GTF2F2: variants seen among roughly 807,000 people sequenced by gnomAD.
The protein encoded by GTF2F2 is general transcription factor IIF subunit 2, also known as ATP-dependent helicase GTF2F2.
In GTF2F2, 23 loss-of-function variants were observed where a neutral mutation model predicts 42.2. The ratio of observed to expected loss-of-function variants is 0.55; its 90% CI spans 0.39 to 0.77. GTF2F2 has a LOEUF of 0.77. Among genes scored for constraint, GTF2F2 ranks in the 30% least tolerant of loss-of-function variants. The probability of loss-of-function intolerance (pLI) is 0.00; values close to 1 mark genes in which losing one functional copy is unlikely to be tolerated. For missense variants in GTF2F2, 261 were observed against 287.2 expected (o/e 0.91, Z 0.66); for synonymous variants, 105 against 100.8 (o/e 1.04, Z -0.25).
chr13:45,266,188 C>T (rs1317360243), intron 6 of GTF2F2, among the ~76,000 whole-genome samples: 2 of 152,032 alleles, frequency 1.3e-5, no homozygotes, highest in Non-Finnish European at 2.9e-5. Flanking sequence ...CCTGAAGTGT[C>T]ATTTTTATTT....
intron 1 of GTF2F2, among the ~76,000 whole-genome samples, chr13:45,126,354 C>T (rs184094653): frequency 4.5e-4 from 67 of 149,536 alleles, no homozygotes; most frequent in African/African-American, 1.5e-3. Context: ...CGGCTTCAAG[C>T]GATTCTCCTG....
intron 5 of GTF2F2, among the ~76,000 whole-genome samples, chr13:45,211,773 G>C (rs554157848): frequency 2.6e-5 from 4 of 151,350 alleles, no homozygotes; most frequent in African/African-American, 9.7e-5. Context: ...TTTTAGGAGA[G>C]ACGGGTTTCT....
chr13:45,260,717 G>A (rs1876303784), intron 6 of GTF2F2, among the ~76,000 whole-genome samples: 2 of 152,164 alleles, frequency 1.3e-5, no homozygotes, highest in Admixed American at 1.3e-4. Context: ...TCAACATTTG[G>A]TTGCATTTTA....
chr13:45,228,240 C>T (rs1408034636), intron 5 of GTF2F2, among the ~76,000 whole-genome samples: 2 of 143,852 alleles, frequency 1.4e-5, no homozygotes, highest in East Asian at 4.0e-4. Flanking sequence ...ACACCAGTCT[C>T]TGCTTATCCT....
chr13:45,149,914 C>G lies in GTF2F2; in HGVS notation c.159+126C>G. The G allele has an allele frequency of 3.5e-6, 3 of 862,966 alleles. No individual in the cohort carries two copies. The East Asian group carries it at 1.0e-4, about 29-fold the overall frequency. 53.5% of individuals were successfully genotyped at this position (862,966 alleles called of 1,614,324 possible). A position where few individuals can be genotyped will look rare whatever the true frequency, so the allele number is the denominator to read the frequency against. ...AGTGCATGGCTGATGGTTAAGAACA[C>G]ATAAAGGTATAAATGCCACCCTTGT... On this transcript the variant is annotated intron_variant, in intron 3 of 7. Coordinates refer to ENST00000340473, the MANE Select transcript of GTF2F2 (RefSeq NM_004128.3).
rs368124187 is a variant in GTF2F2 at position 45,194,057 on chromosome 13, G to A, written c.305-13367G>A. On this transcript the variant is annotated intron_variant, in intron 4 of 7. Coordinates refer to ENST00000340473, the MANE Select transcript of GTF2F2 (RefSeq NM_004128.3). The stretch of plus-strand genomic sequence containing the variant: ...CTGCTTTTGGACACCAGAACAATGC[G>A]AGACTTTATTTTTGATATGAAATCA... The A allele has an allele frequency of 6.9e-5, 111 of 1,613,990 alleles. No individual in the cohort carries two copies. The highest frequency in any genetic ancestry group is 9.1e-5 in the Non-Finnish European group (107 of 1,180,004).
chr13:45,186,624 A>G (rs1220819027), intron 4 of GTF2F2, among the ~76,000 whole-genome samples: 1 of 152,128 alleles, frequency 6.6e-6, no homozygotes, highest in Non-Finnish European at 1.5e-5. Flanking sequence ...AGTGTTTTAA[A>G]AATAAATAAA....
intron 1 of GTF2F2, among the ~76,000 whole-genome samples, chr13:45,127,777 C>T (rs1462438216): frequency 4.0e-5 from 6 of 151,416 alleles, no homozygotes; most frequent in African/African-American, 1.5e-4. Flanking sequence ...GGATTACAGG[C>T]GCCTGCCACC....
intron 5 of GTF2F2, among the ~76,000 whole-genome samples, chr13:45,215,223 A>G (rs1873839987): frequency 6.6e-6 from 1 of 152,218 alleles, no homozygotes; most frequent in Non-Finnish European, 1.5e-5. Flanking sequence ...AAATATCCCC[A>G]AATCAGAAAC....
At chr13:45,132,863 C>T (rs1267014740) in intron 1 of GTF2F2, among the ~76,000 whole-genome samples, 1 of 151,716 alleles carries the variant, frequency 6.6e-6, no homozygotes, top group South Asian at 2.1e-4. Flanking sequence ...GAAAAGAGAA[C>T]ATTTGAATAA....
intron 5 of GTF2F2, among the ~76,000 whole-genome samples, chr13:45,238,032 C>A (rs1276179144): frequency 2.0e-5 from 3 of 152,210 alleles, no homozygotes; most frequent in African/African-American, 7.2e-5. Flanking sequence ...CAGCTCACCG[C>A]AACCTCTGCT....
In GTF2F2 at chr13:45,178,920, C is replaced by T. The variant is rs1335593092; in HGVS notation, c.304+27089C>T. Among the ~76,000 whole-genome samples, 4 of 152,164 alleles carry T rather than the reference C, an allele frequency of 2.6e-5. No individual in the cohort carries two copies. In the East Asian group the frequency reaches 5.8e-4, roughly 22 times the overall value. ...GGGTGCAGTGTCCAGGACTGCTTCA[C>T]TTATTGCCTGAGAGTTGGTGCATGT... On this transcript the variant is annotated intron_variant, in intron 4 of 7. Transcript: ENST00000340473.
intron 4 of GTF2F2, among the ~76,000 whole-genome samples, chr13:45,202,606 A>G (rs966596295): frequency 1.3e-5 from 2 of 152,250 alleles, no homozygotes; most frequent in Non-Finnish European, 1.5e-5. Context: ...TAAAAATGAT[A>G]TCAATATGCA....
At chr13:45,174,161 A>G (rs1348453726) in intron 4 of GTF2F2, among the ~76,000 whole-genome samples, 1 of 152,178 alleles carries the variant, frequency 6.6e-6, no homozygotes, top group African/African-American at 2.4e-5. Flanking sequence ...AGCTGTTGTG[A>G]ACATTTGTGT....
In GTF2F2 at chr13:45,197,341, T is replaced by TAA. The variant is rs67534725; in HGVS notation, c.305-10067_305-10066dup. ...GGGAAATCCTTTGTCTACCAAAAAT[T>TAA]AAAAAAAAAAAAAAAAATTAGCTGG... On this transcript the variant is annotated intron_variant, in intron 4 of 7. Transcript: ENST00000340473. Among the ~76,000 whole-genome samples, 821 of 137,162 alleles carry TAA rather than the reference T, an allele frequency of 6.0e-3. 9 individuals are homozygous for TAA. The highest frequency in any genetic ancestry group is 0.021 in the African/African-American group (771 of 37,222). 90.0% of individuals were successfully genotyped at this position (137,162 alleles called of 152,430 possible).
At chr13:45,129,557 A>G (rs1869226971) in intron 1 of GTF2F2, among the ~76,000 whole-genome samples, 1 of 152,230 alleles carries the variant, frequency 6.6e-6, no homozygotes, top group Admixed American at 6.5e-5. Flanking sequence ...CTTCCCTCTG[A>G]GAATGAAATG....
At chr13:45,141,469 G>A (rs1735154166) in intron 2 of GTF2F2, among the ~76,000 whole-genome samples, 1 of 152,258 alleles carries the variant, frequency 6.6e-6, no homozygotes, top group African/African-American at 2.4e-5. Context: ...TATTAATAGT[G>A]CCCCCTTTTC....
chr13:45,141,836 C>T (rs181278697), intron 2 of GTF2F2, among the ~76,000 whole-genome samples: 21 of 152,208 alleles, frequency 1.4e-4, no homozygotes, highest in African/African-American at 4.6e-4. Flanking sequence ...GTGTTTAATA[C>T]GGACAAAGTT....
chr13:45,235,637 T>C (rs1422243144), intron 5 of GTF2F2, among the ~76,000 whole-genome samples: 1 of 152,116 alleles, frequency 6.6e-6, no homozygotes, highest in Admixed American at 6.5e-5. Flanking sequence ...TTGCCCAGGC[T>C]GCAGTGCAGT....
Sources: allele counts gnomAD v4.1 joint callset (sites outside exome capture counted in the v4.1 genomes callset), GRCh38; gene constraint gnomAD v4.1.1; transcripts MANE v1.5; gene names NCBI Gene and HGNC (gene_info 2026-07-23, HGNC 2026-07-21).